Variants in INPP4B observed in about 807,000 individuals in gnomAD.
INPP4B encodes inositol polyphosphate 4-phosphatase type II.
In INPP4B, 55 loss-of-function variants were observed where a neutral mutation model predicts 122.5. The observed-to-expected ratio is 0.45, with a 90% CI of 0.36 to 0.56. The LOEUF (loss-of-function observed/expected upper bound fraction) is 0.56, where lower values mean the gene tolerates loss of function less well. Among genes scored for constraint, INPP4B ranks in the 20% least tolerant of loss-of-function variants. INPP4B has a pLI of 0.00. For missense variants in INPP4B, 1,000 were observed against 1,097.7 expected (o/e 0.91, Z 1.26); for synonymous variants, 403 against 388.7 (o/e 1.04, Z -0.43).
intron 18 of INPP4B, among the ~76,000 whole-genome samples, chr4:142,139,134 C>A (rs1806344151): frequency 6.6e-6 from 1 of 152,060 alleles, no homozygotes; most frequent in South Asian, 2.1e-4. Context: ...TGAACGTGTT[C>A]CTGGATACAG....
intron 2 of INPP4B, among the ~76,000 whole-genome samples, chr4:142,639,005 A>G (rs1202435768): frequency 6.6e-6 from 1 of 152,106 alleles, no homozygotes; most frequent in Non-Finnish European, 1.5e-5. Flanking sequence ...AGTTTAGTCA[A>G]ATTTTTTTGT....
intron 5 of INPP4B, among the ~76,000 whole-genome samples, chr4:142,416,824 C>T (rs1805874468): frequency 6.6e-6 from 1 of 152,142 alleles, no homozygotes; most frequent in Admixed American, 6.5e-5. Flanking sequence ...GTCGATTCTT[C>T]TGTCATAAGA....
intron 16 of INPP4B, among the ~76,000 whole-genome samples, chr4:142,163,155 G>GT (rs1820963441): frequency 6.6e-6 from 1 of 151,592 alleles, no homozygotes; most frequent in Admixed American, 6.6e-5. Flanking sequence ...CATGGTTTCA[G>GT]TTACCTGTGG....
intron 3 of INPP4B, among the ~76,000 whole-genome samples, chr4:142,438,191 G>GA (rs1315261862): frequency 6.6e-6 from 1 of 151,894 alleles, no homozygotes; most frequent in Non-Finnish European, 1.5e-5. Flanking sequence ...CACAGAATTA[G>GA]AAAAAAACTA....
intron 2 of INPP4B, among the ~76,000 whole-genome samples, chr4:142,562,155 C>A (rs1321365461): frequency 6.6e-6 from 1 of 152,130 alleles, no homozygotes; most frequent in Non-Finnish European, 1.5e-5. Context: ...GTTCTCACTA[C>A]ATCATTTTGC....
intron 11 of INPP4B, among the ~76,000 whole-genome samples, chr4:142,241,377 T>C (rs993681990): frequency 4.6e-5 from 7 of 152,164 alleles, no homozygotes; most frequent in African/African-American, 1.2e-4. Context: ...CAGATCTTGA[T>C]TGACACATTC....
At chr4:142,039,134 G>C (rs1321170925) in intron 25 of INPP4B, among the ~76,000 whole-genome samples, 2 of 151,970 alleles carry the variant, frequency 1.3e-5, no homozygotes, top group Non-Finnish European at 2.9e-5. Flanking sequence ...GTGATTCTTT[G>C]ATCCTATGAA....
At chr4:142,785,298 A>G (rs1352786503) in intron 1 of INPP4B, among the ~76,000 whole-genome samples, 1 of 152,120 alleles carries the variant, frequency 6.6e-6, no homozygotes, top group African/African-American at 2.4e-5. Flanking sequence ...ATTACAAGTC[A>G]TGATTAAATG....
In INPP4B at chr4:142,724,778, A is replaced by G. The variant is rs116349937; in HGVS notation, c.-191+1061T>C. Among the ~76,000 whole-genome samples, 589 of 152,250 alleles carry G rather than the reference A, an allele frequency of 3.9e-3. 5 individuals are homozygous for G. Among genetic ancestry groups the G allele is most frequent in the African/African-American group, 0.013 (561 of 41,580 alleles). On this transcript the variant is annotated intron_variant, in intron 2 of 25. Transcript: ENST00000262992. ...TATATCACATTTGTAATTCAAATTT[A>G]ACAATTTATTTTTGCTCAACTGCAA...
chr4:142,415,941 G>A (rs1805640483), intron 5 of INPP4B, among the ~76,000 whole-genome samples: 2 of 151,512 alleles, frequency 1.3e-5, no homozygotes, highest in Admixed American at 1.3e-4. Context: ...CTCATAGGTG[G>A]GAATTGAACA....
At chr4:142,775,413 TA>T (rs1341000026) in intron 1 of INPP4B, among the ~76,000 whole-genome samples, 1 of 152,194 alleles carries the variant, frequency 6.6e-6, no homozygotes, top group East Asian at 1.9e-4. Context: ...ATTTACTTAT[TA>T]AATCATTTAT....
In INPP4B at chr4:142,028,934, T is replaced by C. The variant is rs368169338; in HGVS notation, c.2643-20A>G. ...CCTTCTCTGGTGAAAGGGGAAAAAG[T>C]ACAACTTCATGAAACACAGAATAAA... On this transcript the variant is annotated intron_variant, in intron 25 of 25. Coordinates refer to ENST00000262992, the MANE Select transcript of INPP4B (RefSeq NM_001101669.3). 3 of 1,603,246 alleles carry C rather than the reference T, an allele frequency of 1.9e-6. No individual in the cohort carries two copies. The highest frequency in any genetic ancestry group is 2.7e-5 in the African/African-American group (2 of 74,454).
chr4:142,593,837 T>C (rs1428959675), intron 2 of INPP4B, among the ~76,000 whole-genome samples: 1 of 152,068 alleles, frequency 6.6e-6, no homozygotes, highest in Non-Finnish European at 1.5e-5. Context: ...TCCATAGTTA[T>C]TTATATATTA....
At chr4:142,494,428 G>T (rs1022897523) in intron 2 of INPP4B, among the ~76,000 whole-genome samples, 6 of 152,070 alleles carry the variant, frequency 3.9e-5, no homozygotes, top group Non-Finnish European at 7.4e-5. Flanking sequence ...AGAGATTTAT[G>T]ATTTCTTGTG....
At chr4:142,529,726 T>C (rs1044046597) in intron 2 of INPP4B, among the ~76,000 whole-genome samples, 1 of 152,044 alleles carries the variant, frequency 6.6e-6, no homozygotes, top group African/African-American at 2.4e-5. Flanking sequence ...ACTACTGGTT[T>C]AAATTTTGAT....
At chr4:142,820,114 T>C (rs1187076770) in intron 1 of INPP4B, among the ~76,000 whole-genome samples, 1 of 152,124 alleles carries the variant, frequency 6.6e-6, no homozygotes, top group African/African-American at 2.4e-5. Flanking sequence ...TCTCAAAACC[T>C]GAATTATTTT....
rs149208667 is a variant in INPP4B at position 142,305,536 on chromosome 4, C to G, written c.425G>C (p.Arg142Pro). 10 of 1,610,214 alleles carry G rather than the reference C, an allele frequency of 6.2e-6. No individual in the cohort carries two copies. The highest frequency in any genetic ancestry group is 7.6e-6 in the Non-Finnish European group (9 of 1,178,480). ...EHKDPPPEVG[R>P]SFLGYASFKV... ...AAAACTGGCATAGCCCAAGAAACTT[C>G]GCTGAAAATAACAGAAAGAATGGTT... Residue 142 changes from arginine (R) to proline (P), a missense_variant and splice_region_variant, in exon 9 of 26, where the codon CGA becomes CCA. Physicochemically the swap from Arg to Pro is moderately radical, Grantham distance 103. Transcript: ENST00000262992.
At chr4:142,042,549 TG>T (rs1195707466) in intron 25 of INPP4B, among the ~76,000 whole-genome samples, 12 of 31,230 alleles carry the variant, frequency 3.8e-4, no homozygotes, top group African/African-American at 5.8e-4. Context: ...TATGTATGTA[TG>T]TATGTATGTA....
chr4:142,823,097 G>A (rs1465276171), intron 1 of INPP4B, among the ~76,000 whole-genome samples: 2 of 152,090 alleles, frequency 1.3e-5, no homozygotes, highest in African/African-American at 4.8e-5. Context: ...GTGACACAAA[G>A]GCCACTTTAG....
Sources: gnomAD v4.1 joint callset for allele counts (sites outside exome capture counted in the v4.1 genomes callset) on GRCh38, gnomAD v4.1.1 for gene constraint, MANE v1.5 for transcripts, NCBI Gene and HGNC (gene_info 2026-07-23, HGNC 2026-07-21) for gene names.